The following GTF3C5 variants were observed in gnomAD, a reference collection of about 807,000 sequenced individuals.
GTF3C5 encodes the protein general transcription factor 3C polypeptide 5.
Under a neutral mutation model 61.0 loss-of-function variants are expected in GTF3C5, and 47 were observed. The ratio of observed to expected loss-of-function variants is 0.77; its 90% CI spans 0.61 to 0.98. The LOEUF (loss-of-function observed/expected upper bound fraction) is 0.98, where lower values mean the gene tolerates loss of function less well. Among genes scored for constraint, GTF3C5 ranks in the 50% least tolerant of loss-of-function variants. GTF3C5 has a pLI of 0.00. For synonymous variants in GTF3C5, 295 were observed against 275.4 expected (o/e 1.07, Z -0.71); for missense variants, 659 against 703.3 (o/e 0.94, Z 0.71).
chr9:133,054,590 G>T, intron 7 of GTF3C5, 102 bp downstream of exon 7: 1 of 1,410,512 alleles, frequency 7.1e-7, no homozygotes, highest in Non-Finnish European at 9.8e-7. Context: ...TCACTCCAGG[G>T]CTCTGCCGGT....
At chr9:133,035,094 A>G (rs1362118628) in intron 1 of GTF3C5, among the ~76,000 whole-genome samples, 1 of 152,118 alleles carries the variant, frequency 6.6e-6, no homozygotes, top group Non-Finnish European at 1.5e-5. Context: ...TATGTCTAGT[A>G]CTTGGGCTAG....
chr9:133,038,414 CAG>C, intron 1 of GTF3C5, among the ~76,000 whole-genome samples: 1 of 148,622 alleles, frequency 6.7e-6, no homozygotes, highest in East Asian at 2.0e-4. Context: ...CCCCAGGGGA[CAG>C]AGGGGAAGGG....
intron 1 of GTF3C5, among the ~76,000 whole-genome samples, chr9:133,035,047 A>T (rs1849829004): frequency 6.6e-6 from 1 of 151,990 alleles, no homozygotes; most frequent in Non-Finnish European, 1.5e-5. Context: ...ACTCTTCCTG[A>T]TGAAGGTGGG....
In GTF3C5 at chr9:133,058,230, C is replaced by T; in HGVS notation, c.*250C>T. 2 of 1,189,878 alleles carry T rather than the reference C, an allele frequency of 1.7e-6. No individual in the cohort carries two copies. The highest frequency in any genetic ancestry group is 1.1e-6 in the Non-Finnish European group (1 of 933,262). The allele number at this position is 1,189,878 out of a possible 1,614,324, so 73.7% of individuals were successfully genotyped here. A position where few individuals can be genotyped will look rare whatever the true frequency, so the allele number is the denominator to read the frequency against. On this transcript the variant is annotated 3_prime_UTR_variant, in exon 11 of 11. Coordinates refer to ENST00000372097, the MANE Select transcript of GTF3C5 (RefSeq NM_012087.4). ...TACCCTGGCTCTGCCACCCATGAAC[C>T]AGCCCAGCATCCAGCCAGTGAGTGG... is the stretch of plus-strand genomic sequence containing the variant.
chr9:133,047,503 C>T (rs571628517), intron 3 of GTF3C5, among the ~76,000 whole-genome samples: 1 of 151,582 alleles, frequency 6.6e-6, no homozygotes, highest in South Asian at 2.1e-4. Context: ...GAGTTTGAAG[C>T]AGGGGGTGAC....
rs754339241 is a variant in GTF3C5, at chr9:133,056,925, G to A, written c.1393+17G>A. The A allele has an allele frequency of 6.4e-7, 1 of 1,567,556 alleles. No homozygotes were observed. The highest frequency in any genetic ancestry group is 1.9e-5 in the Admixed American group (1 of 53,494). On this transcript the variant is annotated intron_variant, in intron 10 of 10. Transcript: ENST00000372097. ...AGAGGCCTGGTAAGAGCCGCTTGGGGTAAAGGGGGTCCAGGATGCCTGGTG... is the reference window on the plus strand; with the variant it reads ...AGAGGCCTGGTAAGAGCCGCTTGGGATAAAGGGGGTCCAGGATGCCTGGTG...
At chr9:133,049,497 A>G (rs937851766) in intron 3 of GTF3C5, among the ~76,000 whole-genome samples, 1 of 152,232 alleles carries the variant, frequency 6.6e-6, no homozygotes, top group African/African-American at 2.4e-5. Context: ...ACACATTTTA[A>G]AAGGTAATGA....
intron 1 of GTF3C5, among the ~76,000 whole-genome samples, chr9:133,033,835 A>T (rs778716440): frequency 1.3e-5 from 2 of 152,188 alleles, no homozygotes; most frequent in Non-Finnish European, 2.9e-5. Context: ...ACCCTGTTTC[A>T]ATTGCTAGAG....
At position 133,034,299 on chromosome 9, in the gene GTF3C5, C is replaced by A. The variant is rs1401941234; in HGVS notation, c.153+3135C>A. On this transcript the variant is annotated intron_variant, in intron 1 of 10. Transcript: ENST00000372097. ...GTCACCACAGGGGCCCTTTAAGGCT[C>A]CATACTTATACTTGTTTGACTGTCT... is the stretch of plus-strand genomic sequence containing the variant. Among the ~76,000 whole-genome samples the A allele has an allele frequency of 2.0e-5, 3 of 152,070 alleles. No individual in the cohort carries two copies. In the East Asian group the frequency reaches 5.8e-4, roughly 29 times the overall value.
chr9:133,031,615 A>G (rs1361822497), intron 1 of GTF3C5, among the ~76,000 whole-genome samples: 2 of 152,184 alleles, frequency 1.3e-5, no homozygotes, highest in African/African-American at 4.8e-5. Context: ...CACTCTGGCA[A>G]ACAGTTTTCT....
chr9:133,049,873 C>T lies in GTF3C5; in HGVS notation c.573-910C>T, dbSNP rs114186264. Among the ~76,000 whole-genome samples, 984 of 152,204 alleles carry T rather than the reference C, an allele frequency of 6.5e-3. 10 individuals are homozygous for T. Among genetic ancestry groups the T allele is most frequent in the African/African-American group, 0.023 (950 of 41,512 alleles). On this transcript the variant is annotated intron_variant, in intron 3 of 10. Transcript: ENST00000372097. ...CCAGCCACCCCCACTCAGCCTCCCCCGTGATCAGCATCTCAGTAGAGTGGG... is the reference window on the plus strand; with the variant it reads ...CCAGCCACCCCCACTCAGCCTCCCCTGTGATCAGCATCTCAGTAGAGTGGG...
chr9:133,048,902 G>A (rs1034786331), intron 3 of GTF3C5, among the ~76,000 whole-genome samples: 12 of 152,156 alleles, frequency 7.9e-5, no homozygotes, highest in African/African-American at 2.7e-4. Context: ...GGCTGCTGTC[G>A]ATTCTCCTGC....
At position 133,044,146 on chromosome 9, in the gene GTF3C5, C is replaced by CAAAAAA. The variant is rs34524914; in HGVS notation, c.572+238_572+243dup. The CAAAAAA allele has an allele frequency of 2.3e-3, 244 of 107,644 alleles. 3 individuals are homozygous for CAAAAAA. The highest frequency in any genetic ancestry group is 4.2e-3 in the Middle Eastern group (1 of 238). 6.7% of individuals were successfully genotyped at this position (107,644 alleles called of 1,614,324 possible). A position where few individuals can be genotyped will look rare whatever the true frequency, so the allele number is the denominator to read the frequency against. On this transcript the variant is annotated intron_variant, in intron 3 of 10. Coordinates refer to ENST00000372097, the MANE Select transcript of GTF3C5 (RefSeq NM_012087.4). Reference sequence around the variant, plus strand: ...GGTGACAGAGTGAGACTTTGTCTCCCAAAAAAAAAAAAAAAAAAAAAAAGA... The same window carrying CAAAAAA: ...GGTGACAGAGTGAGACTTTGTCTCCCAAAAAAAAAAAAAAAAAAAAAAAAAAAAAGA...
At position 133,055,890 on chromosome 9, in the gene GTF3C5, C is replaced by T. The variant is rs1829923203; in HGVS notation, c.1168-122C>T. ...TGGCCTTCCAGCCTGTCTGCCCAACCTGCTCCTGGTGACCAGCCAGCTCCC... is the reference window on the plus strand; with the variant it reads ...TGGCCTTCCAGCCTGTCTGCCCAACTTGCTCCTGGTGACCAGCCAGCTCCC... On this transcript the variant is annotated intron_variant, in intron 8 of 10. Coordinates refer to ENST00000372097, the MANE Select transcript of GTF3C5 (RefSeq NM_012087.4). 8 of 1,478,112 alleles carry T rather than the reference C, an allele frequency of 5.4e-6. No individual in the cohort carries two copies. The East Asian group carries it at 2.0e-4, about 36-fold the overall frequency. The allele number at this position is 1,478,112 out of a possible 1,614,324, so 91.6% of individuals were successfully genotyped here. A position where few individuals can be genotyped will look rare whatever the true frequency, so the allele number is the denominator to read the frequency against.
upstream of GTF3C5, chr9:133,030,780 C>T: frequency 1.6e-6 from 1 of 634,818 alleles, no homozygotes; most frequent in East Asian, 2.8e-5. Flanking sequence ...TGGACTAACT[C>T]GCTTAATTTT....
chr9:133,047,370 G>GA (rs1564200291), intron 3 of GTF3C5, among the ~76,000 whole-genome samples: 1 of 151,828 alleles, frequency 6.6e-6, no homozygotes. Flanking sequence ...GTACCTGTTA[G>GA]AAAAAAACAA....
chr9:133,056,706 G>C, intron 9 of GTF3C5, 60 bp from the exon 10 acceptor site: 6 of 1,476,038 alleles, frequency 4.1e-6, no homozygotes, highest in Non-Finnish European at 5.4e-6. Flanking sequence ...ACCAACACTG[G>C]CATCTCTTAG....
At chr9:133,038,842 G>A (rs1016532874) in intron 1 of GTF3C5, among the ~76,000 whole-genome samples, 2 of 152,178 alleles carry the variant, frequency 1.3e-5, no homozygotes, top group Non-Finnish European at 2.9e-5. Flanking sequence ...CAGCCCCACA[G>A]GGTGTGTTGC....
chr9:133,041,801 C>G (rs934295914), intron 1 of GTF3C5, among the ~76,000 whole-genome samples: 1 of 152,194 alleles, frequency 6.6e-6, no homozygotes, highest in African/African-American at 2.4e-5. Flanking sequence ...TATCTCCCCT[C>G]AAGTGTTGCC....
Sources: gnomAD v4.1 joint callset for allele counts (sites outside exome capture counted in the v4.1 genomes callset) on GRCh38, gnomAD v4.1.1 for gene constraint, MANE v1.5 for transcripts, NCBI Gene and HGNC (gene_info 2026-07-23, HGNC 2026-07-21) for gene names.